Variants in ANGPT2 observed in about 807,000 individuals in gnomAD.
The protein encoded by ANGPT2 is angiopoietin 2.
A neutral mutation model predicts 62.9 loss-of-function variants in ANGPT2; 28 were observed. That is an observed-to-expected ratio of 0.44 (90% CI 0.33 to 0.61). The LOEUF (loss-of-function observed/expected upper bound fraction) is 0.61, where lower values mean the gene tolerates loss of function less well. Ranked by LOEUF, ANGPT2 falls within the 20% of genes least tolerant of loss-of-function variation. The probability of loss-of-function intolerance (pLI) is 0.03; values close to 1 mark genes in which losing one functional copy is unlikely to be tolerated. For synonymous variants in ANGPT2, 284 were observed against 207.8 expected (o/e 1.37, Z -3.15); for missense variants, 727 against 594.9 (o/e 1.22, Z -2.31).
intron 1 of ANGPT2, among the ~76,000 whole-genome samples, chr8:6,535,535 A>C (rs1160581121): frequency 6.6e-6 from 1 of 152,220 alleles, no homozygotes; most frequent in Non-Finnish European, 1.5e-5. Flanking sequence ...TCTTACATAA[A>C]AGCAGATTAC....
intron 1 of ANGPT2, among the ~76,000 whole-genome samples, chr8:6,545,018 CATAAT>C (rs1216828119): frequency 6.6e-6 from 1 of 152,074 alleles, no homozygotes; most frequent in Non-Finnish European, 1.5e-5. Flanking sequence ...TAACAAATAA[CATAAT>C]AGATCGCTGT....
At chr8:6,556,923 G>A (rs1310881850) in intron 1 of ANGPT2, among the ~76,000 whole-genome samples, 3 of 152,112 alleles carry the variant, frequency 2.0e-5, no homozygotes, top group African/African-American at 4.8e-5. Context: ...CTTCTTCTAG[G>A]CACCTAGAAC....
chr8:6,505,332 TAGAAAGA>T (rs1199063110), intron 8 of ANGPT2, among the ~76,000 whole-genome samples: 49 of 56,768 alleles, frequency 8.6e-4, no homozygotes, highest in Non-Finnish European at 1.2e-3. Flanking sequence ...TATATACATA[TAGAAAGA>T]ATATATATAT....
chr8:6,521,272 C>A lies in ANGPT2; in HGVS notation c.705G>T (p.Val235=), dbSNP rs781406567. The A allele has an allele frequency of 1.8e-5, 29 of 1,613,870 alleles. 2 individuals carry two copies. The South Asian group carries it at 3.0e-4, about 17-fold the overall frequency. Residue 235 remains valine, a synonymous_variant, in exon 4 of 9, where the codon GTG becomes GTT. Coordinates refer to ENST00000629816, the MANE Select transcript of ANGPT2 (RefSeq NM_001118887.2). ...GAACTGAATTATTCACCGTGGCAGT[C>A]ACTATTTTTTTTTCTAGTTCTTCAA... ...SIIEELEKKI[V]TATVNNSVLQ...
intron 3 of ANGPT2, among the ~76,000 whole-genome samples, chr8:6,523,802 T>C (rs1192864682): frequency 6.6e-6 from 1 of 152,126 alleles, no homozygotes; most frequent in African/African-American, 2.4e-5. Context: ...TTGTCCAGGC[T>C]GGTCTCGAAC....
At chr8:6,527,854 A>T (rs1290992454) in intron 2 of ANGPT2, among the ~76,000 whole-genome samples, 178 bp from the exon 3 acceptor site, 1 of 150,984 alleles carries the variant, frequency 6.6e-6, no homozygotes, top group African/African-American at 2.4e-5. Flanking sequence ...GTCTTAGATC[A>T]CATCTGAGTG....
chr8:6,520,861 T>C (rs1386510162), intron 4 of ANGPT2, among the ~76,000 whole-genome samples: 2 of 152,258 alleles, frequency 1.3e-5, no homozygotes, highest in African/African-American at 4.8e-5. Flanking sequence ...ATTTTTCCCA[T>C]GTAAAACCTA....
At chr8:6,540,181 AT>A (rs891324438) in intron 1 of ANGPT2, among the ~76,000 whole-genome samples, 2 of 151,938 alleles carry the variant, frequency 1.3e-5, no homozygotes, top group African/African-American at 4.8e-5. Context: ...CTTTGCATTA[AT>A]TTTTTTCACA....
At chr8:6,521,535 T>C (rs1817338731) in intron 3 of ANGPT2, 125 bp from the exon 4 acceptor site, 1 of 705,516 alleles carries the variant, frequency 1.4e-6, no homozygotes, top group African/African-American at 1.8e-5. Flanking sequence ...TAATATGATG[T>C]TACCAGAGCC....
In ANGPT2 at chr8:6,562,814, A is replaced by G; in HGVS notation, c.121T>C (p.Cys41Arg). The G allele has an allele frequency of 6.2e-7, 1 of 1,613,712 alleles. No homozygotes were observed. The highest frequency in any genetic ancestry group is 8.5e-7 in the Non-Finnish European group (1 of 1,179,914). The change falls in exon 1 of 9, where the codon TGC becomes CGC. Residue 41 changes from cysteine (C) to arginine (R), a missense_variant. Physicochemically the swap from Cys to Arg is radical, Grantham distance 180. Coordinates refer to ENST00000629816, the MANE Select transcript of ANGPT2 (RefSeq NM_001118887.2). The stretch of plus-strand genomic sequence containing the variant: ...TCTGGCAGGAGGAAAGTGTAGCTGC[A>G]GGACCCATGCTGGACCTGATATTGC... ...KKQYQVQHGS[C>R]SYTFLLPEMD...
intron 7 of ANGPT2, among the ~76,000 whole-genome samples, chr8:6,509,772 C>T (rs1052965219): frequency 2.6e-5 from 4 of 152,210 alleles, no homozygotes; most frequent in African/African-American, 9.6e-5. Flanking sequence ...AGCATCATAG[C>T]TTAGCTCTAG....
At chr8:6,522,998 T>G (rs1563340541) in intron 3 of ANGPT2, among the ~76,000 whole-genome samples, 2 of 150,960 alleles carry the variant, frequency 1.3e-5, no homozygotes, top group African/African-American at 4.9e-5. Flanking sequence ...CTTGAAAAGT[T>G]TTTTTTTTTC....
chr8:6,514,748 C>G lies in ANGPT2; in HGVS notation c.958G>C (p.Gly320Arg). 2 of 1,613,998 alleles carry G rather than the reference C, an allele frequency of 1.2e-6. No homozygotes were observed. Among genetic ancestry groups the G allele is most frequent in the Non-Finnish European group, 1.7e-6 (2 of 1,179,984 alleles). The change falls in exon 6 of 9, where the codon GGG (glycine) becomes CGG (arginine). Residue 320 changes from glycine (G) to arginine (R), a missense_variant. Physicochemically the swap from Gly to Arg is moderately radical, Grantham distance 125. Transcript: ENST00000629816. ...AYCDMEAGGGGWTIIQRREDG... is the reference protein window; with the variant it reads ...AYCDMEAGGGRWTIIQRREDG... The stretch of plus-strand genomic sequence containing the variant: ...TCACGTCGCTGAATAATTGTCCACC[C>G]GCCTCCTCCAGCTTCCATGTCACAG...
intron 8 of ANGPT2, among the ~76,000 whole-genome samples, chr8:6,506,602 C>G (rs1813778156): frequency 6.6e-6 from 1 of 152,146 alleles, no homozygotes; most frequent in Non-Finnish European, 1.5e-5. Context: ...GCTCCTCCAC[C>G]TGACCCTTTC....
intron 1 of ANGPT2, among the ~76,000 whole-genome samples, chr8:6,559,167 C>A (rs1043905782): frequency 6.6e-6 from 1 of 151,446 alleles, no homozygotes; most frequent in Admixed American, 6.6e-5. Context: ...ATGAACCAAG[C>A]CCTGGGTTTT....
chr8:6,543,850 A>G (rs1261682910), intron 1 of ANGPT2, among the ~76,000 whole-genome samples: 1 of 152,264 alleles, frequency 6.6e-6, no homozygotes, highest in African/African-American at 2.4e-5. Flanking sequence ...CATGGACTTT[A>G]AGGAGCTGTA....
intron 1 of ANGPT2, among the ~76,000 whole-genome samples, chr8:6,545,249 T>C (rs1822362449): frequency 6.6e-6 from 1 of 152,204 alleles, no homozygotes; most frequent in Non-Finnish European, 1.5e-5. Flanking sequence ...GTTTCCTAGA[T>C]CTTGACCTCG....
In ANGPT2 at chr8:6,500,061, G is replaced by A; in HGVS notation, c.*3040C>T. ...GCCCATAATTAAAAAGACATTCACAGAACTTAACACCTTTTATCAATTTAT... is the reference window on the plus strand; with the variant it reads ...GCCCATAATTAAAAAGACATTCACAAAACTTAACACCTTTTATCAATTTAT... On this transcript the variant is annotated 3_prime_UTR_variant, in exon 9 of 9. Coordinates refer to ENST00000629816, the MANE Select transcript of ANGPT2 (RefSeq NM_001118887.2). 1 of 757,428 alleles carries A rather than the reference G, an allele frequency of 1.3e-6. No individual in the cohort carries two copies. Among genetic ancestry groups the A allele is most frequent in the Non-Finnish European group, 2.3e-6 (1 of 428,480 alleles). 46.9% of individuals were successfully genotyped at this position (757,428 alleles called of 1,614,324 possible).
rs1179191217 is a variant in ANGPT2, at chr8:6,521,095, A to G, written c.799+83T>C. ...TATATGAGAAATAGCGCCTTTTCTG[A>G]AAGGTGAGAATTTTTTAGTCTTTTG... On this transcript the variant is annotated intron_variant, in intron 4 of 8. Coordinates refer to ENST00000629816, the MANE Select transcript of ANGPT2 (RefSeq NM_001118887.2). 4.6e-6 allele frequency: 5 copies of G among 1,084,092 alleles called. No homozygotes were observed. In the East Asian group the frequency reaches 1.2e-4, roughly 26 times the overall value. 67.2% of individuals were successfully genotyped at this position (1,084,092 alleles called of 1,614,324 possible). A position where few individuals can be genotyped will look rare whatever the true frequency, so the allele number is the denominator to read the frequency against.
Sources: allele counts gnomAD v4.1 joint callset (sites outside exome capture counted in the v4.1 genomes callset), GRCh38; gene constraint gnomAD v4.1.1; transcripts MANE v1.5; gene names NCBI Gene and HGNC (gene_info 2026-07-23, HGNC 2026-07-21).